TMC7: variants seen among roughly 807,000 people sequenced by gnomAD.
TMC7 encodes the protein transmembrane channel like 7.
In TMC7, 54 loss-of-function variants were observed where a neutral mutation model predicts 82.9. The ratio of observed to expected loss-of-function variants is 0.65; its 90% confidence interval spans 0.52 to 0.82. TMC7 has a LOEUF of 0.82. Ranked by LOEUF, TMC7 falls within the 40% of genes least tolerant of loss-of-function variation. TMC7 has a pLI of 0.00. For synonymous variants in TMC7, 350 were observed against 337.9 expected (o/e 1.04, Z -0.39); for missense variants, 820 against 901.2 (o/e 0.91, Z 1.15).
At chr16:19,019,262 G>T (rs907117191) in intron 3 of TMC7, among the ~76,000 whole-genome samples, 7 of 152,192 alleles carry the variant, frequency 4.6e-5, no homozygotes, top group African/African-American at 1.7e-4. Context: ...GGAAATGATT[G>T]TCTCCATTAT....
intron 1 of TMC7, among the ~76,000 whole-genome samples, chr16:18,989,550 G>T (rs12932075): frequency 0.15 from 16,540 of 111,594 alleles, 1,704 homozygotes; most frequent in Middle Eastern, 0.22. Context: ...CTGATGCTCT[G>T]TCCCCACCCT....
intron 1 of TMC7, 180 bp downstream of exon 1, chr16:18,984,310 A>T: frequency 7.6e-7 from 1 of 1,313,890 alleles, no homozygotes; most frequent in East Asian, 3.2e-5. Flanking sequence ...CTCCCTCCAC[A>T]AACGCGTCCT....
At position 18,983,973 on chromosome 16, in the gene TMC7, C is replaced by G; in HGVS notation, c.-91C>G. The G allele has an allele frequency of 1.5e-6, 2 of 1,296,928 alleles. No individual in the cohort carries two copies. Among genetic ancestry groups the G allele is most frequent in the Non-Finnish European group, 2.0e-6 (2 of 1,014,226 alleles). 80.3% of individuals were successfully genotyped at this position (1,296,928 alleles called of 1,614,324 possible). On this transcript the variant is annotated 5_prime_UTR_variant, in exon 1 of 16. Transcript: ENST00000304381. ...GATGTCAGCGCCGGAACCTGGAATC[C>G]CGGCTCCGCGAGGGAAGGCCGGGGA...
intron 9 of TMC7, among the ~76,000 whole-genome samples, chr16:19,044,273 A>C (rs1264987261): frequency 6.6e-6 from 1 of 152,078 alleles, no homozygotes; most frequent in Non-Finnish European, 1.5e-5. Context: ...GGGCTCAAAC[A>C]ATCCTCTGGG....
intron 5 of TMC7, among the ~76,000 whole-genome samples, chr16:19,026,518 A>G (rs1280017627): frequency 2.0e-5 from 3 of 151,862 alleles, no homozygotes; most frequent in Non-Finnish European, 4.4e-5. Context: ...CAAATCCCAG[A>G]GCTGCTGTTA....
intron 1 of TMC7, chr16:18,984,427 C>T (rs1320090539): frequency 2.5e-6 from 3 of 1,218,590 alleles, no homozygotes; most frequent in Non-Finnish European, 3.1e-6. Context: ...TTTCAATAGC[C>T]TCATCTGCTG....
intron 1 of TMC7, among the ~76,000 whole-genome samples, chr16:18,994,110 G>T (rs1224656455): frequency 6.6e-6 from 1 of 152,132 alleles, no homozygotes; most frequent in Non-Finnish European, 1.5e-5. Flanking sequence ...TGAAGTCCAG[G>T]CCAGGAACAA....
intron 1 of TMC7, among the ~76,000 whole-genome samples, chr16:18,989,195 C>T (rs9926581): frequency 0.46 from 70,642 of 152,116 alleles, 19,001 homozygotes; most frequent in East Asian, 0.76. Flanking sequence ...TAAGCCCATT[C>T]GTCCAGGTCA....
chr16:18,990,039 C>T (rs946408523), intron 1 of TMC7, among the ~76,000 whole-genome samples: 18 of 151,618 alleles, frequency 1.2e-4, no homozygotes, highest in South Asian at 2.1e-4. Flanking sequence ...TTGGGATAGG[C>T]GGTGAAGTTA....
intron 1 of TMC7, among the ~76,000 whole-genome samples, chr16:18,992,126 T>C (rs2038962777): frequency 6.6e-6 from 1 of 152,212 alleles, no homozygotes; most frequent in South Asian, 2.1e-4. Context: ...ATGGGATGGC[T>C]GGGTCAAATG....
intron 5 of TMC7, among the ~76,000 whole-genome samples, chr16:19,029,395 T>A (rs1268148430): frequency 6.6e-6 from 1 of 152,134 alleles, no homozygotes; most frequent in Non-Finnish European, 1.5e-5. Flanking sequence ...AATTTCAGTT[T>A]TGGCTTGTTA....
At chr16:19,044,404 GGTT>G (rs1160155071) in intron 9 of TMC7, among the ~76,000 whole-genome samples, 1 of 151,738 alleles carries the variant, frequency 6.6e-6, no homozygotes, top group African/African-American at 2.4e-5. Flanking sequence ...TTACTGCCCA[GGTT>G]GTTCTCAAAC....
intron 8 of TMC7, among the ~76,000 whole-genome samples, chr16:19,039,922 C>T (rs1485911314): frequency 6.6e-6 from 1 of 151,880 alleles, no homozygotes; most frequent in Admixed American, 6.6e-5. Context: ...TTGAGACCAG[C>T]CTGACCAACA....
chr16:19,039,062 G>T (rs1056919888), intron 8 of TMC7, among the ~76,000 whole-genome samples: 13 of 150,772 alleles, frequency 8.6e-5, no homozygotes, highest in Non-Finnish European at 1.2e-4. Context: ...CCCTCCCTAG[G>T]ATATGGTTTT....
Position 19,028,778 on chromosome 16 carries a change from C to T in TMC7, c.712-1446C>T, listed in dbSNP as rs1253049119. On this transcript the variant is annotated intron_variant, in intron 5 of 15. Coordinates refer to ENST00000304381, the MANE Select transcript of TMC7 (RefSeq NM_024847.4). ...TCAAGTGATTCTCCTGCCTTAGCCT[C>T]CCGAGTAGATGGGACTACAGGCACA... Among the ~76,000 whole-genome samples the T allele has an allele frequency of 2.6e-5, 4 of 151,810 alleles. No homozygotes were observed. In the East Asian group the frequency reaches 7.7e-4, roughly 29 times the overall value.
At chr16:18,984,419 T>G in intron 1 of TMC7, 1 of 1,233,632 alleles carries the variant, frequency 8.1e-7, no homozygotes, top group Non-Finnish European at 1.0e-6. Context: ...AGACAGTCTT[T>G]CAATAGCCTC....
chr16:19,025,618 T>TCAAAA (rs553932623), intron 5 of TMC7, among the ~76,000 whole-genome samples: 60 of 151,996 alleles, frequency 3.9e-4, no homozygotes, highest in African/African-American at 1.1e-3. Context: ...AGAGTTTGTC[T>TCAAAA]CAAAACAAAA....
chr16:18,989,561 TGGA>T (rs1213020763), intron 1 of TMC7, among the ~76,000 whole-genome samples: 1 of 139,742 alleles, frequency 7.2e-6, no homozygotes, highest in East Asian at 2.0e-4. Context: ...TCCCCACCCT[TGGA>T]GGAGGAGGAA....
At chr16:19,054,551 A>T (rs1257194507) in intron 13 of TMC7, among the ~76,000 whole-genome samples, 1 of 152,090 alleles carries the variant, frequency 6.6e-6, no homozygotes, top group African/African-American at 2.4e-5. Flanking sequence ...CCCTGTCTCT[A>T]CTAAAAATAC....
Sources: gnomAD v4.1 joint callset for allele counts (sites outside exome capture counted in the v4.1 genomes callset) on GRCh38, gnomAD v4.1.1 for gene constraint, MANE v1.5 for transcripts, NCBI Gene and HGNC (gene_info 2026-07-23, HGNC 2026-07-21) for gene names.